Variants in MEI1 observed in about 807,000 individuals in gnomAD.
MEI1 encodes the protein meiotic double-stranded break formation protein 1, also known as meiosis inhibitor protein 1.
A neutral mutation model predicts 146.2 loss-of-function variants in MEI1; 103 were observed. The ratio of observed to expected loss-of-function variants is 0.70; its 90% CI spans 0.60 to 0.83. The LOEUF (loss-of-function observed/expected upper bound fraction) is 0.83, where lower values mean the gene tolerates loss of function less well. Among genes scored for constraint, MEI1 ranks in the 40% least tolerant of loss-of-function variants. The probability of loss-of-function intolerance (pLI) is 0.00; values close to 1 mark genes in which losing one functional copy is unlikely to be tolerated. For synonymous variants in MEI1, 652 were observed against 628.2 expected (o/e 1.04, Z -0.57); for missense variants, 1,529 against 1,533.0 (o/e 1.00, Z 0.04).
chr22:41,707,671 A>G (rs139748775), intron 3 of MEI1, among the ~76,000 whole-genome samples: 110 of 152,296 alleles, frequency 7.2e-4, no homozygotes, highest in East Asian at 5.0e-3. Flanking sequence ...GGATACTTAC[A>G]TGAATGGGAA....
chr22:41,737,454 T>C (rs2072475528), intron 11 of MEI1, among the ~76,000 whole-genome samples: 2 of 152,080 alleles, frequency 1.3e-5, no homozygotes, highest in African/African-American at 2.4e-5. Context: ...TTAGCCAGGA[T>C]GATCTCGATC....
In MEI1 at chr22:41,748,201, A is replaced by C; in HGVS notation, c.1775A>C (p.Lys592Thr). Residue 592 changes from lysine to threonine, a missense_variant, in exon 15 of 31, where the codon AAG becomes ACG. Lys to Thr is a moderately conservative substitution (Grantham distance 78, BLOSUM62 -1). Transcript: ENST00000401548. ...LFVIVPHMKE[K>T]FSKKLASSSF... ...GTCATCGTTCCCCACATGAAGGAGAAGTTTTCCAAGAAGCTTGGTAGGCAG... is the reference window on the plus strand; with the variant it reads ...GTCATCGTTCCCCACATGAAGGAGACGTTTTCCAAGAAGCTTGGTAGGCAG... 6.2e-7 allele frequency: 1 copy of C among 1,613,310 alleles called. No individual in the cohort carries two copies. Among genetic ancestry groups the C allele is most frequent in the Non-Finnish European group, 8.5e-7 (1 of 1,179,274 alleles).
chr22:41,762,124 T>C (rs1194548853), intron 18 of MEI1, among the ~76,000 whole-genome samples: 2 of 152,202 alleles, frequency 1.3e-5, no homozygotes, highest in Non-Finnish European at 2.9e-5. Flanking sequence ...GAGTAGTGTT[T>C]TTAATTCTTT....
At chr22:41,728,162 C>T (rs1044132065) in intron 7 of MEI1, among the ~76,000 whole-genome samples, 1 of 152,066 alleles carries the variant, frequency 6.6e-6, no homozygotes. Context: ...GAAAAAAGGC[C>T]ACATATAAGT....
At position 41,699,606 on chromosome 22, in the gene MEI1, T is replaced by C. The variant is rs973385555; in HGVS notation, c.68T>C (p.Leu23Pro). The stretch of plus-strand genomic sequence containing the variant: ...AGGAGAGAGGAAGAGGCGGCGCTTC[T>C]ATTCGAGAGGGCCCATTACCGGCAC... The part of the protein sequence containing the change: ...GPRREEEAAL[L>P]FERAHYRHDP... The change falls in exon 1 of 31, where the codon CTA (leucine) becomes CCA (proline). Residue 23 changes from leucine to proline, a missense_variant. Physicochemically the swap from Leu to Pro is moderately conservative, Grantham distance 98. Transcript: ENST00000401548. 1.2e-6 allele frequency: 2 copies of C among 1,612,460 alleles called. No homozygotes were observed. The highest frequency in any genetic ancestry group is 2.2e-5 in the East Asian group (1 of 44,870).
chr22:41,753,928 C>G, intron 16 of MEI1, 21 bp from the exon 17 acceptor site: 1 of 1,531,184 alleles, frequency 6.5e-7, no homozygotes, highest in Non-Finnish European at 9.1e-7. Flanking sequence ...CTCTTCTATT[C>G]TTTCTTCTTC....
intron 1 of MEI1, among the ~76,000 whole-genome samples, chr22:41,700,433 C>T (rs1210042885): frequency 3.3e-5 from 5 of 152,178 alleles, no homozygotes; most frequent in African/African-American, 1.2e-4. Flanking sequence ...TGGGTTCAAG[C>T]GATTCTCCTG....
At chr22:41,735,928 A>C (rs2072324581) in intron 11 of MEI1, among the ~76,000 whole-genome samples, 1 of 152,220 alleles carries the variant, frequency 6.6e-6, no homozygotes, top group South Asian at 2.1e-4. Context: ...TGCCTGTGTT[A>C]GTTTCCTATT....
intron 19 of MEI1, among the ~76,000 whole-genome samples, chr22:41,768,127 A>G (rs970562531): frequency 3.3e-5 from 5 of 152,200 alleles, no homozygotes; most frequent in Admixed American, 2.0e-4. Flanking sequence ...CACGCCTGTA[A>G]TCCTAGCACT....
rs771345122 is a variant in MEI1, at chr22:41,758,372, T to C, written c.1959T>C (p.Ser653=). 3.1e-6 allele frequency: 5 copies of C among 1,613,098 alleles called. No individual in the cohort carries two copies. In the Admixed American group the frequency reaches 6.7e-5, roughly 22 times the overall value. The change falls in exon 18 of 31, where the codon TCT becomes TCC. Residue 653 remains serine, a synonymous_variant. Coordinates refer to ENST00000401548, the MANE Select transcript of MEI1 (RefSeq NM_152513.4). ...TACTTATTCCCTCCCTAGAACTCTC[T>C]GCAGTGTCTGAGCTCCTGCAGCATG... is the stretch of plus-strand genomic sequence containing the variant. ...KTGPPSKEEL[S]AVSELLQHGL...
intron 22 of MEI1, among the ~76,000 whole-genome samples, chr22:41,779,034 C>G (rs2075616749): frequency 6.6e-6 from 1 of 152,066 alleles, no homozygotes; most frequent in African/African-American, 2.4e-5. Flanking sequence ...TGCAAAAAAT[C>G]AGCATTATGA....
intron 3 of MEI1, among the ~76,000 whole-genome samples, chr22:41,713,482 A>G (rs1483642613): frequency 4.1e-5 from 2 of 49,284 alleles, no homozygotes; most frequent in African/African-American, 3.9e-4. Flanking sequence ...CAAAATCAAA[A>G]GAAAAAAAAA....
chr22:41,710,399 T>C (rs2069445509), intron 3 of MEI1, among the ~76,000 whole-genome samples: 1 of 152,192 alleles, frequency 6.6e-6, no homozygotes, highest in Non-Finnish European at 1.5e-5. Flanking sequence ...TTAGTAAGTG[T>C]AATAGGGAAA....
In MEI1 at chr22:41,699,513, C is replaced by T. The variant is rs76383276; in HGVS notation, c.-26C>T. On this transcript the variant is annotated 5_prime_UTR_variant, in exon 1 of 31. Coordinates refer to ENST00000401548, the MANE Select transcript of MEI1 (RefSeq NM_152513.4). ...GTGCAGTCTGCGCGGGAAAGAGTGCCGCCTCAGCTGAGGGCAAGCGAGGAG... is the reference window on the plus strand; with the variant it reads ...GTGCAGTCTGCGCGGGAAAGAGTGCTGCCTCAGCTGAGGGCAAGCGAGGAG... 2,517 of 1,594,200 alleles carry T rather than the reference C, an allele frequency of 1.6e-3. 36 individuals are homozygous for T. The African/African-American group carries it at 0.031, about 19-fold the overall frequency.
chr22:41,735,523 G>A (rs967372777), intron 11 of MEI1, among the ~76,000 whole-genome samples: 23 of 152,016 alleles, frequency 1.5e-4, no homozygotes, highest in African/African-American at 5.1e-4. Flanking sequence ...GTGAGCCACC[G>A]TGCCCAGCCA....
chr22:41,785,662 CA>C (rs572080268), intron 26 of MEI1, among the ~76,000 whole-genome samples: 6 of 151,724 alleles, frequency 4.0e-5, no homozygotes, highest in African/African-American at 1.5e-4. Flanking sequence ...CTCCCAGGTT[CA>C]AGTGATTCTC....
In MEI1 at chr22:41,729,687, C is replaced by A; in HGVS notation, c.887C>A (p.Thr296Asn). Residue 296 changes from threonine to asparagine, a missense_variant, in exon 8 of 31, where the codon ACC becomes AAC. Thr to Asn is a moderately conservative substitution (Grantham distance 65, BLOSUM62 0). Transcript: ENST00000401548. ...CAGCTTCTCCTCTCTAGAGATGAAACCCTGCAGGTGGCCAGTGCTCACTGT... is the reference window on the plus strand; with the variant it reads ...CAGCTTCTCCTCTCTAGAGATGAAAACCTGCAGGTGGCCAGTGCTCACTGT... ...LKKLLLSRDE[T>N]LQVASAHCIT... 9 of 1,611,382 alleles carry A rather than the reference C, an allele frequency of 5.6e-6. No individual in the cohort carries two copies. The highest frequency in any genetic ancestry group is 7.6e-6 in the Non-Finnish European group (9 of 1,178,844).
intron 3 of MEI1, among the ~76,000 whole-genome samples, chr22:41,710,103 A>G (rs1263196283): frequency 1.3e-5 from 2 of 152,096 alleles, no homozygotes. Context: ...CCCTAATCCA[A>G]TCTGACTAGT....
intron 1 of MEI1, among the ~76,000 whole-genome samples, chr22:41,702,947 T>C (rs2068824494): frequency 6.6e-6 from 1 of 151,994 alleles, no homozygotes; most frequent in Non-Finnish European, 1.5e-5. Flanking sequence ...CTGGAACTCT[T>C]GAGCTCGTGA....
Sources: gnomAD v4.1 joint callset for allele counts (sites outside exome capture counted in the v4.1 genomes callset) on GRCh38, gnomAD v4.1.1 for gene constraint, MANE v1.5 for transcripts, NCBI Gene and HGNC (gene_info 2026-07-23, HGNC 2026-07-21) for gene names.